PPID: variants seen among roughly 807,000 people sequenced by gnomAD.
PPID encodes peptidylprolyl isomerase D.
Under a neutral mutation model 48.1 loss-of-function variants are expected in PPID, and 47 were observed. The ratio of observed to expected loss-of-function variants is 0.98; its 90% CI spans 0.77 to 1.25. The LOEUF (loss-of-function observed/expected upper bound fraction) is 1.25. Ranked by LOEUF, PPID falls within the 50% of genes most tolerant of loss-of-function variation. PPID has a pLI of 0.00. For missense variants in PPID, 429 were observed against 443.5 expected, an observed-to-expected ratio of 0.97 and a Z score of 0.29; for synonymous variants, 163 against 148.8, an observed-to-expected ratio of 1.10 and a Z score of -0.69.
In PPID at chr4:158,709,772, A is replaced by G. The variant is rs61748170; in HGVS notation, c.1077T>C (p.Asp359=). 2.5e-3 allele frequency: 3,977 copies of G among 1,611,976 alleles called. 13 individuals carry two copies. The highest frequency in any genetic ancestry group is 0.013 in the Middle Eastern group (78 of 6,048). ...TTTTTGCATATACTGCCTTCTCTTT[A>G]TCTTTCTGTGCCTTTATCTTTTGTT... ...KVKQKIKAQK[D]KEKAVYAKMF... Residue 359 remains aspartate (D), a synonymous_variant, in exon 10 of 10, where the codon GAT becomes GAC. Transcript: ENST00000307720.
intron 1 of PPID, among the ~76,000 whole-genome samples, chr4:158,721,777 A>G (rs1298683758): frequency 1.3e-5 from 2 of 152,168 alleles, no homozygotes; most frequent in Non-Finnish European, 2.9e-5. Context: ...TTCAAGGTCA[A>G]CTTTTTAGAA....
chr4:158,720,946 T>C (rs4691517), intron 2 of PPID, among the ~76,000 whole-genome samples: 140,861 of 152,090 alleles, frequency 0.93, 66,075 homozygotes, highest in East Asian at 1. Context: ...GATCTCCTGA[T>C]CTCGTGATTC....
chr4:158,718,526 C>T (rs1379856018), intron 3 of PPID, among the ~76,000 whole-genome samples: 1 of 152,182 alleles, frequency 6.6e-6, no homozygotes, highest in Non-Finnish European at 1.5e-5. Context: ...GTCATCAAGG[C>T]CTTTCATTTT....
intron 6 of PPID, among the ~76,000 whole-genome samples, chr4:158,714,660 G>A (rs527665755): frequency 7.3e-5 from 11 of 150,924 alleles, no homozygotes; most frequent in South Asian, 4.2e-4. Context: ...GCATAATCTC[G>A]GCTTGCTGCA....
At chr4:158,722,309 AAC>A (rs546362938) in intron 1 of PPID, among the ~76,000 whole-genome samples, 232 of 152,362 alleles carry the variant, frequency 1.5e-3, no homozygotes, top group African/African-American at 4.2e-3. Context: ...GAGAAAATTA[AAC>A]AGTCTTTGGG....
chr4:158,723,305 GT>G lies in PPID; in HGVS notation c.-18del. On this transcript the variant is annotated 5_prime_UTR_variant, in exon 1 of 10. Transcript: ENST00000307720. Reference sequence around the variant, plus strand: ...GTGCGACATCTTGACTTGCAGACGTGTTTAGTACGGAATATCAGAGTACCTA... The same window carrying G: ...GTGCGACATCTTGACTTGCAGACGTGTTAGTACGGAATATCAGAGTACCTA... 1 of 1,610,222 alleles carries G rather than the reference GT, an allele frequency of 6.2e-7. No individual in the cohort carries two copies. Among genetic ancestry groups the G allele is most frequent in the Non-Finnish European group, 8.5e-7 (1 of 1,176,934 alleles).
At chr4:158,716,937 G>A in intron 4 of PPID, 75 bp downstream of exon 4, 1 of 1,473,776 alleles carries the variant, frequency 6.8e-7, no homozygotes, top group East Asian at 2.3e-5. Flanking sequence ...CTCCAGCCTG[G>A]AACAGATCGA....
In PPID at chr4:158,709,754, A is replaced by G; in HGVS notation, c.1095T>C (p.Tyr365=). 1 of 1,607,768 alleles carries G rather than the reference A, an allele frequency of 6.2e-7. No homozygotes were observed. Among genetic ancestry groups the G allele is most frequent in the Admixed American group, 1.7e-5 (1 of 59,932 alleles). The change falls in exon 10 of 10, where the codon TAT becomes TAC. Residue 365 remains tyrosine, a synonymous_variant. Transcript: ENST00000307720. The part of the protein sequence containing the change: ...KAQKDKEKAV[Y]AKMFA ...ATCCTTTCTAAGCAAACATTTTTGC[A>G]TATACTGCCTTCTCTTTATCTTTCT...
intron 2 of PPID, 89 bp downstream of exon 2, chr4:158,721,254 A>C (rs973162896): frequency 2.1e-6 from 3 of 1,463,272 alleles, no homozygotes; most frequent in Admixed American, 1.9e-5. Flanking sequence ...TTTAAGCTTC[A>C]CTTCCTACTT....
chr4:158,709,976 A>G (rs1170969989), intron 9 of PPID, 152 bp from the exon 10 acceptor site: 1 of 607,354 alleles, frequency 1.6e-6, no homozygotes, highest in African/African-American at 1.9e-5. Flanking sequence ...AATCACACAA[A>G]CACAGAAATG....
At chr4:158,711,266 C>T (rs1309906431) in intron 7 of PPID, among the ~76,000 whole-genome samples, 2 of 152,028 alleles carry the variant, frequency 1.3e-5, no homozygotes, top group African/African-American at 2.4e-5. Flanking sequence ...CACTCTGTGG[C>T]CCAGGCTGGA....
At chr4:158,719,387 C>A in intron 2 of PPID, 101 bp from the exon 3 acceptor site, 4 of 725,310 alleles carry the variant, frequency 5.5e-6, no homozygotes, top group Non-Finnish European at 9.4e-6. Context: ...GTGCATGACT[C>A]TAGTCATGTC....
intron 1 of PPID, 100 bp downstream of exon 1, chr4:158,723,104 G>A: frequency 1.7e-6 from 2 of 1,209,790 alleles, no homozygotes; most frequent in Non-Finnish European, 2.4e-6. Flanking sequence ...GCGAAACTGA[G>A]CAGTCACCGG....
intron 1 of PPID, 98 bp downstream of exon 1, chr4:158,723,106 A>T: frequency 8.2e-7 from 1 of 1,221,712 alleles, no homozygotes; most frequent in Non-Finnish European, 1.2e-6. Context: ...GAAACTGAGC[A>T]GTCACCGGCC....
Position 158,723,202 on chromosome 4 carries a change from A to ACCTCGCTCC in PPID, c.78_85+1dup. The ACCTCGCTCC allele has an allele frequency of 6.2e-7, 1 of 1,612,936 alleles. No individual in the cohort carries two copies. The highest frequency in any genetic ancestry group is 8.5e-7 in the Non-Finnish European group (1 of 1,179,418). On this transcript the variant is annotated splice_donor_variant, in intron 1 of 9. Coordinates refer to ENST00000307720, the MANE Select transcript of PPID (RefSeq NM_005038.3). LOFTEE classifies it high-confidence loss of function. The stretch of plus-strand genomic sequence containing the variant: ...TTTCCGCGAGCGTCAGACTCCGCTC[A>ACCTCGCTCC]CCTCGCTCCCCTCCGATGTCCACGT...
At position 158,709,733 on chromosome 4, in the gene PPID, T is replaced by A. The variant is rs1427615464; in HGVS notation, c.*3A>T. The A allele has an allele frequency of 1.3e-6, 2 of 1,593,318 alleles. No homozygotes were observed. The highest frequency in any genetic ancestry group is 1.7e-6 in the Non-Finnish European group (2 of 1,164,020). On this transcript the variant is annotated 3_prime_UTR_variant, in exon 10 of 10. Transcript: ENST00000307720. Reference sequence around the variant, plus strand: ...ACACACAATAAGCAAAACTGAATCCTTTCTAAGCAAACATTTTTGCATATA... The same window carrying A: ...ACACACAATAAGCAAAACTGAATCCATTCTAAGCAAACATTTTTGCATATA...
At chr4:158,712,776 A>G (rs78499536) in intron 7 of PPID, among the ~76,000 whole-genome samples, 2,263 of 152,042 alleles carry the variant, frequency 0.015, 57 homozygotes, top group African/African-American at 0.049. Context: ...AGAAGAAGAA[A>G]AAAGCCATGC....
chr4:158,720,278 G>A (rs1028152007), intron 2 of PPID, among the ~76,000 whole-genome samples: 4 of 152,142 alleles, frequency 2.6e-5, no homozygotes, highest in Non-Finnish European at 5.9e-5. Flanking sequence ...TCTCACACTT[G>A]CTATGTTAAA....
chr4:158,719,754 CAGT>C (rs1774927925), intron 2 of PPID, among the ~76,000 whole-genome samples: 1 of 152,140 alleles, frequency 6.6e-6, no homozygotes, highest in Non-Finnish European at 1.5e-5. Context: ...CAATGATTCC[CAGT>C]AGATTTGTTC....
Sources: gnomAD v4.1 joint callset for allele counts (sites outside exome capture counted in the v4.1 genomes callset) on GRCh38, gnomAD v4.1.1 for gene constraint, MANE v1.5 for transcripts, NCBI Gene and HGNC (gene_info 2026-07-23, HGNC 2026-07-21) for gene names.